The following RRAGC variants were observed in gnomAD, a reference collection of about 807,000 sequenced individuals.
RRAGC encodes the protein ras-related GTP-binding protein C.
RRAGC carries 8 observed loss-of-function variants against 37.1 expected under a neutral mutation model. That is an observed-to-expected ratio of 0.22 (90% CI 0.13 to 0.39). The LOEUF is 0.39. Ranked by LOEUF, RRAGC falls within the 10% of genes least tolerant of loss-of-function variation. The pLI is 1.00. For missense variants in RRAGC, 342 were observed against 497.6 expected (o/e 0.69, Z 2.98); for synonymous variants, 190 against 181.1 (o/e 1.05, Z -0.39).
At chr1:38,852,752 G>A (rs142857438) in intron 3 of RRAGC, 19 of 212,276 alleles carry the variant, frequency 9.0e-5, no homozygotes, top group African/African-American at 1.4e-4. Context: ...AATATTCACC[G>A]AAGTCTTTGC....
intron 5 of RRAGC, chr1:38,847,431 A>AACACAC (rs138424781): frequency 0.064 from 9,128 of 142,916 alleles, 290 homozygotes; most frequent in Middle Eastern, 0.14. Context: ...GCAACACAAG[A>AACACAC]ACACACACAC....
rs74064910 is a variant in RRAGC, at chr1:38,838,308, C to T, written c.*1245G>A. 4.7e-4 allele frequency: 72 copies of T among 152,284 alleles called. No homozygotes were observed. The highest frequency in any genetic ancestry group is 3.4e-3 in the Middle Eastern group (1 of 294). 9.4% of individuals were successfully genotyped at this position (152,284 alleles called of 1,614,324 possible). A position where few individuals can be genotyped will look rare whatever the true frequency, so the allele number is the denominator to read the frequency against. On this transcript the variant is annotated 3_prime_UTR_variant, in exon 7 of 7. Coordinates refer to ENST00000373001, the MANE Select transcript of RRAGC (RefSeq NM_022157.4). ...GATATCACCATGGTCCATGTAAATA[C>T]TCAAGTCAGAATCACCTGCAGGAAG... is the stretch of plus-strand genomic sequence containing the variant.
At position 38,843,080 on chromosome 1, in the gene RRAGC, G is replaced by A. The variant is rs958602689; in HGVS notation, c.1048+2859C>T. Among the ~76,000 whole-genome samples the A allele has an allele frequency of 5.6e-4, 85 of 152,102 alleles. 1 individual carries two copies. The highest frequency in any genetic ancestry group is 1.9e-3 in the African/African-American group (79 of 41,402). ...GCAGTTGGCTCTCATCTATAATCCC[G>A]GCACTTTGGAAGGCTGAAGGAAGAG... On this transcript the variant is annotated intron_variant, in intron 6 of 6. Transcript: ENST00000373001.
chr1:38,852,073 T>C (rs1211367998), intron 4 of RRAGC, among the ~76,000 whole-genome samples: 1 of 152,234 alleles, frequency 6.6e-6, no homozygotes, highest in East Asian at 1.9e-4. Context: ...TGCTACATTT[T>C]CAATAATCCT....
intron 3 of RRAGC, 90 bp downstream of exon 3, chr1:38,855,594 AAGATGTGGCAAAGGGCACACAGGT>A: frequency 2.4e-6 from 2 of 841,616 alleles, no homozygotes; most frequent in Non-Finnish European, 3.8e-6. Context: ...AAAAACATAA[AAGATGTGGCAAAGGGCACACAGGT>A]AGCAGAAAGC....
chr1:38,845,147 A>G (rs1479219089), intron 6 of RRAGC, among the ~76,000 whole-genome samples: 1 of 152,198 alleles, frequency 6.6e-6, no homozygotes, highest in Non-Finnish European at 1.5e-5. Flanking sequence ...GGGATTATAA[A>G]CCATTCTACT....
chr1:38,839,544 G>A lies in RRAGC; in HGVS notation c.*9C>T. 1 of 1,613,604 alleles carries A rather than the reference G, an allele frequency of 6.2e-7. No homozygotes were observed. On this transcript the variant is annotated 3_prime_UTR_variant, in exon 7 of 7. Coordinates refer to ENST00000373001, the MANE Select transcript of RRAGC (RefSeq NM_022157.4). The stretch of plus-strand genomic sequence containing the variant: ...AAGCTGGCACAGAGCCCCGACGCTG[G>A]GATTCAGACTAGATGGCGTTTCGTG...
chr1:38,851,738 G>A lies in RRAGC; in HGVS notation c.776C>T (p.Ala259Val). ...TTTGCTGACAACATCAAAGAGAAAA[G>A]CTTTTTCAATACCTGAATTCTTGGA... ...IFISNSGIEK[A>V]FLFDVVSKIY... Residue 259 changes from alanine (A) to valine (V), a missense_variant, in exon 5 of 7, where the codon GCT becomes GTT. Ala to Val is a moderately conservative substitution (Grantham distance 64). Coordinates refer to ENST00000373001, the MANE Select transcript of RRAGC (RefSeq NM_022157.4). The A allele has an allele frequency of 1.2e-6, 2 of 1,610,272 alleles. No homozygotes were observed. The highest frequency in any genetic ancestry group is 1.7e-6 in the Non-Finnish European group (2 of 1,178,904).
chr1:38,855,667 A>T, intron 3 of RRAGC, 41 bp downstream of exon 3: 1 of 1,487,180 alleles, frequency 6.7e-7, no homozygotes, highest in East Asian at 2.3e-5. Context: ...ATACATTTAC[A>T]CCTTGTTCAG....
rs1642161188 is a variant in RRAGC at position 38,855,856 on chromosome 1, A to G, written c.493T>C (p.Tyr165His). 1 of 1,613,866 alleles carries G rather than the reference A, an allele frequency of 6.2e-7. No homozygotes were observed. Reference protein sequence around the residue: ...TRLHITVSKAYKVNPDMNFEV... With the variant: ...TRLHITVSKAHKVNPDMNFEV... ...AAATTCATGTCTGGGTTAACTTTGT[A>G]GGCTTTAGAAACAGTAATGTGAAGT... is the stretch of plus-strand genomic sequence containing the variant. Residue 165 changes from tyrosine to histidine, a missense_variant, in exon 3 of 7, where the codon TAC becomes CAC. Transcript: ENST00000373001.
chr1:38,841,856 G>C (rs1244723639), intron 6 of RRAGC, among the ~76,000 whole-genome samples: 1 of 152,090 alleles, frequency 6.6e-6, no homozygotes, highest in African/African-American at 2.4e-5. Context: ...ACTAACATAG[G>C]CTGGGCGCGG....
Position 38,856,865 on chromosome 1 carries a change from A to G in RRAGC, c.441+14T>C. 1 of 1,611,622 alleles carries G rather than the reference A, an allele frequency of 6.2e-7. No individual in the cohort carries two copies. The highest frequency in any genetic ancestry group is 8.5e-7 in the Non-Finnish European group (1 of 1,177,780). On this transcript the variant is annotated intron_variant, in intron 2 of 6. Transcript: ENST00000373001. ...TTCCCACCAGGAAAGAGGAGTAAAC[A>G]CATTACTGACTACCTGTGCGTCAAT...
At position 38,851,234 on chromosome 1, in the gene RRAGC, G is replaced by A. The variant is rs192755842; in HGVS notation, c.899+381C>T. 1.7e-4 allele frequency among the ~76,000 whole-genome samples: 26 copies of A among 152,240 alleles called. No individual in the cohort carries two copies. In the East Asian group the frequency reaches 2.7e-3, roughly 16 times the overall value. ...AAGAATCCCTAATTCCACAAAGCCT[G>A]AGGTTAAATCAGGAACCAGAACTTA... is the stretch of plus-strand genomic sequence containing the variant. On this transcript the variant is annotated intron_variant, in intron 5 of 6. Transcript: ENST00000373001.
At chr1:38,853,138 GA>G (rs929187411) in intron 3 of RRAGC, among the ~76,000 whole-genome samples, 6 of 152,160 alleles carry the variant, frequency 3.9e-5, no homozygotes, top group Non-Finnish European at 7.4e-5. Flanking sequence ...AGTATCTGCT[GA>G]ATAAACAAAT....
rs572664478 is a variant in RRAGC at position 38,855,803 on chromosome 1, A to T, written c.546T>A (p.Gly182=). Residue 182 remains glycine, a synonymous_variant, in exon 3 of 7, where the codon GGT becomes GGA. Coordinates refer to ENST00000373001, the MANE Select transcript of RRAGC (RefSeq NM_022157.4). ...TTTCTATTTTGTGATCATCAGACAG[A>T]CCATCAACTTTGTGAATAAAAACCT... ...NFEVFIHKVD[G]LSDDHKIETQ... is the part of the protein sequence containing the mutation. 6 of 1,613,980 alleles carry T rather than the reference A, an allele frequency of 3.7e-6. No homozygotes were observed. The African/African-American group carries it at 5.3e-5, about 14-fold the overall frequency.
chr1:38,856,716 A>C, intron 2 of RRAGC, 163 bp downstream of exon 2: 1 of 629,624 alleles, frequency 1.6e-6, no homozygotes, highest in Non-Finnish European at 2.8e-6. Flanking sequence ...TGCACAATGC[A>C]TGTCTGCTCC....
rs1321093537 is a variant in RRAGC, at chr1:38,859,385, G to A, written c.237+25C>T. ...CCACCTGAGAACCGGGGAGGGGGCG[G>A]GGGACTGGGCGCAGCCCTGCTCACC... On this transcript the variant is annotated intron_variant, in intron 1 of 6. Transcript: ENST00000373001. 5 of 1,541,544 alleles carry A rather than the reference G, an allele frequency of 3.2e-6. No homozygotes were observed. In the African/African-American group the frequency reaches 4.1e-5, roughly 13 times the overall value.
chr1:38,859,478 C>A lies in RRAGC; in HGVS notation c.169G>T (p.Ala57Ser). ...GAGGGCGPGG[A>S]DSSKPRILLM... ...AGAATCCTCGGCTTGGAGCTGTCAGCGCCCCCCGGACCACAGCCACCGCCT... is the reference window on the plus strand; with the variant it reads ...AGAATCCTCGGCTTGGAGCTGTCAGAGCCCCCCGGACCACAGCCACCGCCT... Residue 57 changes from alanine (A) to serine (S), a missense_variant, in exon 1 of 7, where the codon GCT becomes TCT. Ala to Ser is a moderately conservative substitution (Grantham distance 99). Around this residue, in one of 3 missense-constraint regions of RRAGC, gnomAD observed 104 missense variants for 93.4 expected, o/e 1.11. Transcript: ENST00000373001. 1.9e-6 allele frequency: 3 copies of A among 1,547,966 alleles called. No individual in the cohort carries two copies. Among genetic ancestry groups the A allele is most frequent in the Non-Finnish European group, 1.7e-6 (2 of 1,146,646 alleles).
rs894079403 is a variant in RRAGC, at chr1:38,856,504, T to C, written c.441+375A>G. Among the ~76,000 whole-genome samples the C allele has an allele frequency of 6.1e-4, 93 of 152,214 alleles. 1 individual carries two copies. Among genetic ancestry groups the C allele is most frequent in the Non-Finnish European group, 1.2e-4 (8 of 68,042 alleles). ...TCAATTTTGACAATTAAGTAAACTA[T>C]TCACTCTAATATCTACTGACTCAGT... On this transcript the variant is annotated intron_variant, in intron 2 of 6. Transcript: ENST00000373001.
Sources: gnomAD v4.1 joint callset for allele counts (sites outside exome capture counted in the v4.1 genomes callset) on GRCh38, gnomAD v4.1.1 for gene constraint, gnomAD v4.1.1 regional missense constraint, MANE v1.5 for transcripts, NCBI Gene and HGNC (gene_info 2026-07-23, HGNC 2026-07-21) for gene names.